SPMIP10: variants seen among roughly 807,000 people sequenced by gnomAD.
SPMIP10 encodes the protein sperm-associated microtubule inner protein 10.
chr5:126,633,560 A>C, the SPMIP10 span, among the ~76,000 whole-genome samples: 1 of 151,972 alleles, frequency 6.6e-6, no homozygotes, highest in South Asian at 2.1e-4. Context: ...GGGTCTCACT[A>C]TGTCTTCCAG....
At chr5:126,631,944 G>T in the SPMIP10 span, 1 of 639,988 alleles carries the variant, frequency 1.6e-6, no homozygotes. Context: ...ATGTTCCAGA[G>T]GGAAATATGT....
At chr5:126,632,274 A>G in the SPMIP10 span, among the ~76,000 whole-genome samples, 1 of 149,606 alleles carries the variant, frequency 6.7e-6, no homozygotes, top group Non-Finnish European at 1.5e-5. Context: ...AAAAAAAAAA[A>G]AAAAAAAAAA....
At chr5:126,636,164 G>T in the SPMIP10 span, 4 of 1,614,172 alleles carry the variant, frequency 2.5e-6, no homozygotes, top group Non-Finnish European at 3.4e-6. Context: ...AAAAATTGCA[G>T]ATATGCCTTT....
At chr5:126,635,046 T>C in the SPMIP10 span, among the ~76,000 whole-genome samples, 7 of 151,822 alleles carry the variant, frequency 4.6e-5, no homozygotes, top group African/African-American at 1.2e-4. Flanking sequence ...GTGTGTGCTG[T>C]AGTCCCAGCT....
chr5:126,636,035 G>A, the SPMIP10 span: 1 of 1,612,152 alleles, frequency 6.2e-7, no homozygotes, highest in Non-Finnish European at 8.5e-7. Context: ...CTCTTAGCAA[G>A]CAGAAGTGTG....
the SPMIP10 span, chr5:126,632,803 C>A: frequency 1.8e-6 from 1 of 549,310 alleles, no homozygotes; most frequent in African/African-American, 1.9e-5. Flanking sequence ...GCCTAGCCAA[C>A]TGGCGGAACC....
chr5:126,631,846 T>C, the SPMIP10 span: 39 of 1,509,080 alleles, frequency 2.6e-5, no homozygotes, highest in Non-Finnish European at 3.3e-5. Flanking sequence ...ATTCTGGGGT[T>C]TTTTGTTTGC....
the SPMIP10 span, among the ~76,000 whole-genome samples, chr5:126,633,285 A>G: frequency 1.1e-4 from 16 of 152,258 alleles, no homozygotes; most frequent in East Asian, 2.3e-3. Flanking sequence ...ATAGAGAGGC[A>G]TGGGAATATT....
At chr5:126,633,024 T>TATATATATATATATAA in the SPMIP10 span, among the ~76,000 whole-genome samples, 10 of 138,870 alleles carry the variant, frequency 7.2e-5, no homozygotes, top group African/African-American at 3.1e-4. Context: ...TATATATATA[T>TATATATATATATATAA]ATATATATAA....
chr5:126,633,718 T>C, the SPMIP10 span, among the ~76,000 whole-genome samples: 1 of 152,254 alleles, frequency 6.6e-6, no homozygotes, highest in Admixed American at 6.6e-5. Context: ...AGGAGTGCAA[T>C]GATGCAATCA....
At chr5:126,633,043 G>A in the SPMIP10 span, among the ~76,000 whole-genome samples, 2 of 121,494 alleles carry the variant, frequency 1.6e-5, no homozygotes, top group East Asian at 4.0e-4. Flanking sequence ...AATTTAGTAT[G>A]TCTGTGATAG....
the SPMIP10 span, among the ~76,000 whole-genome samples, chr5:126,632,316 T>C: frequency 7.4e-6 from 1 of 134,714 alleles, no homozygotes; most frequent in African/African-American, 2.7e-5. Flanking sequence ...TGTGGGCAAA[T>C]TGTAAAGGAC....
chr5:126,635,004 C>G, the SPMIP10 span, among the ~76,000 whole-genome samples: 2 of 151,494 alleles, frequency 1.3e-5, no homozygotes, highest in African/African-American at 4.8e-5. Flanking sequence ...GAGATCCTGT[C>G]TATTAAAAAA....
At chr5:126,632,767 C>T in the SPMIP10 span, 19 of 630,766 alleles carry the variant, frequency 3.0e-5, no homozygotes, top group Non-Finnish European at 4.8e-5. Flanking sequence ...GCGGGTGGAT[C>T]ACTTGAGGTC....
the SPMIP10 span, chr5:126,635,904 T>C: frequency 1.3e-6 from 1 of 760,898 alleles, no homozygotes; most frequent in Non-Finnish European, 2.2e-6. Context: ...TCAAGCAATC[T>C]TCCTGTCTTG....
the SPMIP10 span, chr5:126,632,613 C>G: frequency 6.1e-5 from 99 of 1,610,540 alleles, no homozygotes; most frequent in Admixed American, 2.0e-4. Context: ...TTATGTCATG[C>G]CTTGGAAAGA....
the SPMIP10 span, chr5:126,636,207 T>C: frequency 6.2e-7 from 1 of 1,614,164 alleles, no homozygotes; most frequent in East Asian, 2.2e-5. Context: ...CAAAGCACTG[T>C]GATTTCCCAT....
the SPMIP10 span, chr5:126,636,013 A>T: frequency 3.8e-6 from 6 of 1,584,626 alleles, no homozygotes; most frequent in Non-Finnish European, 5.2e-6. Context: ...GATACACAGA[A>T]GATTTTCTTT....
the SPMIP10 span, chr5:126,631,821 G>A: frequency 1.3e-6 from 2 of 1,592,142 alleles, no homozygotes; most frequent in African/African-American, 2.7e-5. Flanking sequence ...CTGCTAATAA[G>A]TAAGGATTTA....
Sources: gnomAD v4.1 joint callset for allele counts (sites outside exome capture counted in the v4.1 genomes callset) on GRCh38, gnomAD v4.1.1 for gene constraint, MANE v1.5 for transcripts, NCBI Gene and HGNC (gene_info 2026-07-23, HGNC 2026-07-21) for gene names.